CRPPA: variants seen among roughly 807,000 people sequenced by gnomAD.
The protein encoded by CRPPA is D-ribitol-5-phosphate cytidylyltransferase.
CRPPA carries 43 observed loss-of-function variants against 52.0 expected under a neutral mutation model. That is an observed-to-expected ratio of 0.83 (90% CI 0.65 to 1.07). CRPPA has a LOEUF of 1.07. Ranked by LOEUF, CRPPA falls within the 50% of genes least tolerant of loss-of-function variation. CRPPA has a pLI of 0.00. For missense variants in CRPPA, 629 were observed against 551.7 expected (o/e 1.14, Z -1.40); for synonymous variants, 250 against 203.5 (o/e 1.23, Z -1.94).
At chr7:16,380,884 C>T (rs1787067375) in intron 2 of CRPPA, among the ~76,000 whole-genome samples, 1 of 151,718 alleles carries the variant, frequency 6.6e-6, no homozygotes, top group Non-Finnish European at 1.5e-5. Context: ...TCTCTCTTTT[C>T]TTCTTTATTA....
intron 8 of CRPPA, among the ~76,000 whole-genome samples, chr7:16,244,368 A>T (rs547444821): frequency 6.6e-6 from 1 of 152,342 alleles, no homozygotes; most frequent in South Asian, 2.1e-4. Context: ...TGTACCAACA[A>T]CCAAGCACCA....
intron 2 of CRPPA, among the ~76,000 whole-genome samples, chr7:16,405,577 C>T (rs949131008): frequency 6.6e-6 from 1 of 152,096 alleles, no homozygotes. Context: ...AGGTCTTTTG[C>T]TATCCTGTGT....
intron 3 of CRPPA, among the ~76,000 whole-genome samples, chr7:16,368,636 A>T (rs568965758): frequency 1.4e-3 from 216 of 152,342 alleles, no homozygotes; most frequent in African/African-American, 5.1e-3. Context: ...TTTATATATT[A>T]GTTTCTCAGT....
At chr7:16,402,735 C>T (rs1212466084) in intron 2 of CRPPA, among the ~76,000 whole-genome samples, 1 of 151,216 alleles carries the variant, frequency 6.6e-6, no homozygotes, top group East Asian at 1.9e-4. Flanking sequence ...AACAAGTTAC[C>T]TAGGATGCAG....
At chr7:16,239,558 G>GAAAAA (rs1783048039) in intron 8 of CRPPA, among the ~76,000 whole-genome samples, 2 of 16,712 alleles carry the variant, frequency 1.2e-4, no homozygotes, top group Admixed American at 7.9e-4. Context: ...GAAGTCAATA[G>GAAAAA]CAAAAAAAAA....
At chr7:16,395,355 C>G (rs2128315583) in intron 2 of CRPPA, among the ~76,000 whole-genome samples, 1 of 152,314 alleles carries the variant, frequency 6.6e-6, no homozygotes, top group South Asian at 2.1e-4. Context: ...ACATGCATTT[C>G]TCCTCAGGCA....
intron 9 of CRPPA, among the ~76,000 whole-genome samples, chr7:16,189,507 C>A (rs1444523162): frequency 6.6e-6 from 1 of 152,138 alleles, no homozygotes; most frequent in Non-Finnish European, 1.5e-5. Context: ...GCAAGAGCTA[C>A]CACATAGCCA....
intron 2 of CRPPA, 95 bp from the exon 3 acceptor site, chr7:16,376,336 A>G (rs73306461): frequency 1.6e-6 from 2 of 1,230,790 alleles, no homozygotes; most frequent in African/African-American, 3.0e-5. Flanking sequence ...GATCTTATTC[A>G]TACCTTCAAC....
At chr7:16,233,145 A>T (rs1208236419) in intron 8 of CRPPA, among the ~76,000 whole-genome samples, 1 of 150,936 alleles carries the variant, frequency 6.6e-6, no homozygotes, top group African/African-American at 2.4e-5. Context: ...ATTAAACAGC[A>T]AAAAAAAAGA....
chr7:16,171,069 G>T (rs947806289), intron 9 of CRPPA, among the ~76,000 whole-genome samples: 1 of 152,178 alleles, frequency 6.6e-6, no homozygotes, highest in Non-Finnish European at 1.5e-5. Flanking sequence ...CAGAGTGGAC[G>T]CCAAGGCCAA....
intron 9 of CRPPA, among the ~76,000 whole-genome samples, chr7:16,194,582 GTGCCAAAGAAAGCT>G (rs1416376025): frequency 5.9e-5 from 9 of 152,118 alleles, no homozygotes; most frequent in African/African-American, 1.9e-4. Context: ...AACAATCTGA[GTGCCAAAGAAAGCT>G]AACTTTGGAT....
intron 9 of CRPPA, among the ~76,000 whole-genome samples, chr7:16,095,122 T>C (rs947246279): frequency 1.3e-5 from 2 of 152,192 alleles, no homozygotes; most frequent in African/African-American, 4.8e-5. Context: ...ATCTATAAAC[T>C]GAAGCATACT....
chr7:16,307,589 A>G (rs1290421177), intron 4 of CRPPA, among the ~76,000 whole-genome samples: 2 of 143,962 alleles, frequency 1.4e-5, no homozygotes, highest in Non-Finnish European at 3.0e-5. Flanking sequence ...CTGGGACAGG[A>G]GAATTGCTTG....
intron 3 of CRPPA, among the ~76,000 whole-genome samples, chr7:16,347,502 C>A (rs761334806): frequency 6.6e-6 from 1 of 152,064 alleles, no homozygotes; most frequent in Non-Finnish European, 1.5e-5. Context: ...TTAAATAATG[C>A]CACTATTTTA....
At chr7:16,171,666 G>T (rs1032446882) in intron 9 of CRPPA, among the ~76,000 whole-genome samples, 8 of 152,130 alleles carry the variant, frequency 5.3e-5, no homozygotes, top group Admixed American at 2.6e-4. Flanking sequence ...GGTGGCGGGT[G>T]CCTGTAGTCC....
intron 9 of CRPPA, among the ~76,000 whole-genome samples, chr7:16,113,177 T>C (rs569745198): frequency 3.9e-5 from 6 of 152,086 alleles, no homozygotes; most frequent in Non-Finnish European, 5.9e-5. Context: ...ATGAAAAGCA[T>C]TGTTGAACAT....
intron 3 of CRPPA, among the ~76,000 whole-genome samples, chr7:16,323,136 T>C (rs546101481): frequency 7.6e-4 from 116 of 152,174 alleles, no homozygotes; most frequent in Non-Finnish European, 1.4e-3. Flanking sequence ...AGCCAAACCA[T>C]ACGAAATAGA....
intron 3 of CRPPA, among the ~76,000 whole-genome samples, chr7:16,370,134 A>T (rs1466691996): frequency 6.6e-6 from 1 of 152,220 alleles, no homozygotes; most frequent in African/African-American, 2.4e-5. Flanking sequence ...GAAGTTAGCC[A>T]ATGAACTCAG....
At chr7:16,359,381 A>T (rs778051275) in intron 3 of CRPPA, among the ~76,000 whole-genome samples, 1 of 152,186 alleles carries the variant, frequency 6.6e-6, no homozygotes, top group Non-Finnish European at 1.5e-5. Flanking sequence ...TACTGTCGTC[A>T]TTGAATTGCT....
Sources: allele counts gnomAD v4.1 joint callset (sites outside exome capture counted in the v4.1 genomes callset), GRCh38; gene constraint gnomAD v4.1.1; transcripts MANE v1.5; gene names NCBI Gene and HGNC (gene_info 2026-07-23, HGNC 2026-07-21).